Variants in GAPVD1 observed in about 807,000 individuals in gnomAD.
The protein encoded by GAPVD1 is GTPase-activating protein and VPS9 domain-containing protein 1.
GAPVD1 carries 35 observed loss-of-function variants against 155.5 expected under a neutral mutation model. The ratio of observed to expected loss-of-function variants is 0.23; its 90% CI spans 0.17 to 0.30. The LOEUF is 0.30. Ranked by LOEUF, GAPVD1 falls within the 10% of genes least tolerant of loss-of-function variation. The pLI is 1.00. For synonymous variants in GAPVD1, 636 were observed against 619.7 expected (o/e 1.03, Z -0.39); for missense variants, 1,429 against 1,775.7 (o/e 0.80, Z 3.51).
At chr9:125,344,203 A>G (rs1488511705) in intron 19 of GAPVD1, among the ~76,000 whole-genome samples, 1 of 152,188 alleles carries the variant, frequency 6.6e-6, no homozygotes, top group African/African-American at 2.4e-5. Context: ...CAGTCTGTTC[A>G]TAATTCTGTG....
Position 125,312,596 on chromosome 9 carries a change from T to C in GAPVD1, c.1586T>C (p.Met529Thr). Residue 529 changes from methionine to threonine, a missense_variant, in exon 9 of 28, where the codon ATG becomes ACG. Met to Thr is a moderately conservative substitution (Grantham distance 81). Around this residue, in one of 4 missense-constraint regions of GAPVD1, gnomAD observed 628 missense variants for 733.4 expected, o/e 0.86. Transcript: ENST00000297933. Reference sequence around the variant, plus strand: ...ACAGGTCCCCAGCTTACTCCAGGGATGATGTCAGAAAATGAGGTATGAATC... The same window carrying C: ...ACAGGTCCCCAGCTTACTCCAGGGACGATGTCAGAAAATGAGGTATGAATC... Reference protein sequence around the residue: ...LGTGPQLTPGMMSENEVLNMQ... With the variant: ...LGTGPQLTPGTMSENEVLNMQ... The C allele has an allele frequency of 6.3e-7, 1 of 1,585,940 alleles. No individual in the cohort carries two copies. Among genetic ancestry groups the C allele is most frequent in the Non-Finnish European group, 8.5e-7 (1 of 1,172,060 alleles).
At position 125,313,307 on chromosome 9, in the gene GAPVD1, C is replaced by CT. The variant is rs551168378; in HGVS notation, c.1602+709dup. Among the ~76,000 whole-genome samples the CT allele has an allele frequency of 8.3e-3, 1,142 of 137,780 alleles. 2 individuals are homozygous for CT. The highest frequency in any genetic ancestry group is 0.013 in the Non-Finnish European group (796 of 62,822). 90.4% of individuals were successfully genotyped at this position (137,780 alleles called of 152,430 possible). On this transcript the variant is annotated intron_variant, in intron 9 of 27. Transcript: ENST00000297933. The stretch of plus-strand genomic sequence containing the variant: ...AATTTTTTTTTTTCTTTTTCTTTTT[C>CT]TTTTTTTTTTTTTTGAGACAGAGTC...
chr9:125,278,347 C>T lies in GAPVD1; in HGVS notation c.-150+9363C>T, dbSNP rs1836155197. Among the ~76,000 whole-genome samples, 3 of 151,646 alleles carry T rather than the reference C, an allele frequency of 2.0e-5. No individual in the cohort carries two copies. In the South Asian group the frequency reaches 6.2e-4, roughly 32 times the overall value. Reference sequence around the variant, plus strand: ...ACCAGTCTGGCCAACATGGTGAAACCCTGTCTCTACTAAAAATACAAAAAT... The same window carrying T: ...ACCAGTCTGGCCAACATGGTGAAACTCTGTCTCTACTAAAAATACAAAAAT... On this transcript the variant is annotated intron_variant, in intron 2 of 27. Coordinates refer to ENST00000297933, the MANE Select transcript of GAPVD1 (RefSeq NM_001282680.3).
intron 8 of GAPVD1, among the ~76,000 whole-genome samples, chr9:125,311,258 A>G (rs912967472): frequency 6.6e-6 from 1 of 151,954 alleles, no homozygotes; most frequent in African/African-American, 2.4e-5. Flanking sequence ...TTCTCCAAAC[A>G]TAAATAAATT....
chr9:125,347,302 G>C (rs545862830), intron 20 of GAPVD1, among the ~76,000 whole-genome samples: 1 of 152,156 alleles, frequency 6.6e-6, no homozygotes, highest in East Asian at 1.9e-4. Context: ...TGTCCCAAAA[G>C]GGACAAGTTA....
intron 12 of GAPVD1, among the ~76,000 whole-genome samples, chr9:125,327,909 C>G (rs1296814871): frequency 6.6e-6 from 1 of 152,166 alleles, no homozygotes; most frequent in African/African-American, 2.4e-5. Context: ...AGCTTTCTTT[C>G]ATCTGTTCTC....
intron 25 of GAPVD1, among the ~76,000 whole-genome samples, chr9:125,356,393 C>T (rs1014741751): frequency 2.6e-5 from 4 of 152,216 alleles, no homozygotes; most frequent in Non-Finnish European, 5.9e-5. Flanking sequence ...GACCTCTACA[C>T]ACAAGATGCC....
chr9:125,342,767 A>G (rs1847995871), intron 19 of GAPVD1, among the ~76,000 whole-genome samples: 1 of 152,196 alleles, frequency 6.6e-6, no homozygotes, highest in Non-Finnish European at 1.5e-5. Flanking sequence ...TGTTTTACCT[A>G]ATCGTTTCCT....
intron 3 of GAPVD1, among the ~76,000 whole-genome samples, chr9:125,298,636 G>T (rs900993943): frequency 6.6e-6 from 1 of 151,542 alleles, no homozygotes; most frequent in Non-Finnish European, 1.5e-5. Flanking sequence ...CTACAGGCGC[G>T]CCCCACCGCA....
rs754173073 is a variant in GAPVD1, at chr9:125,346,948, A to T, written c.3169+7A>T. The T allele has an allele frequency of 3.7e-6, 6 of 1,612,302 alleles. No individual in the cohort carries two copies. The African/African-American group carries it at 8.0e-5, about 22-fold the overall frequency. ...GCAAACTATGAAAGTACAGGTGATAATCATGACAGAGATTTGAGTAGTAAA... is the reference window on the plus strand; with the variant it reads ...GCAAACTATGAAAGTACAGGTGATATTCATGACAGAGATTTGAGTAGTAAA... On this transcript the variant is annotated splice_region_variant and intron_variant, in intron 20 of 27. Coordinates refer to ENST00000297933, the MANE Select transcript of GAPVD1 (RefSeq NM_001282680.3).
intron 8 of GAPVD1, chr9:125,308,189 T>G (rs1842140805): frequency 2.3e-6 from 1 of 433,154 alleles, no homozygotes; most frequent in Non-Finnish European, 4.1e-6. Context: ...TTTAAAACTA[T>G]GTAGCCCTCA....
At chr9:125,277,921 GC>G (rs780869322) in intron 2 of GAPVD1, among the ~76,000 whole-genome samples, 1 of 152,032 alleles carries the variant, frequency 6.6e-6, no homozygotes, top group Non-Finnish European at 1.5e-5. Flanking sequence ...TCCTGCCTCA[GC>G]CTCCCGAAGT....
Position 125,332,501 on chromosome 9 carries a change from T to C in GAPVD1, c.2309-9T>C. The C allele has an allele frequency of 6.4e-7, 1 of 1,566,770 alleles. No individual in the cohort carries two copies. The highest frequency in any genetic ancestry group is 8.7e-7 in the Non-Finnish European group (1 of 1,155,392). On this transcript the variant is annotated splice_polypyrimidine_tract_variant and intron_variant, in intron 14 of 27. Transcript: ENST00000297933. ...CTTCCTGTTTATTTTTTACTATTGT[T>C]TTTTAAAGGCATAAGTGCAACCTCT...
At chr9:125,359,525 A>T (rs1419825934) in intron 26 of GAPVD1, 33 bp downstream of exon 26, 1 of 1,012,690 alleles carries the variant, frequency 9.9e-7, no homozygotes, top group Non-Finnish European at 1.6e-6. Flanking sequence ...GGGTAATGTT[A>T]ACTAAATGCT....
chr9:125,361,353 G>A (rs1462008284), intron 27 of GAPVD1, among the ~76,000 whole-genome samples: 1 of 152,010 alleles, frequency 6.6e-6, no homozygotes, highest in Non-Finnish European at 1.5e-5. Context: ...GCTTGGCCAA[G>A]ATGGTGAAAC....
intron 1 of GAPVD1, among the ~76,000 whole-genome samples, chr9:125,264,577 G>C (rs1833524703): frequency 6.6e-6 from 1 of 152,150 alleles, no homozygotes; most frequent in Admixed American, 6.5e-5. Context: ...GAAGAAGAAA[G>C]AAAAGTGAAT....
At chr9:125,325,519 CA>C (rs34510251) in intron 11 of GAPVD1, among the ~76,000 whole-genome samples, 9,450 of 93,030 alleles carry the variant, frequency 0.1, 673 homozygotes, top group African/African-American at 0.26. Context: ...GACTCCATCT[CA>C]AAAAAAAAAA....
rs369396204 is a variant in GAPVD1 at position 125,360,647 on chromosome 9, C to T, written c.4164C>T (p.Asn1388=). 6.2e-7 allele frequency: 1 copy of T among 1,613,988 alleles called. No homozygotes were observed. The highest frequency in any genetic ancestry group is 8.5e-7 in the Non-Finnish European group (1 of 1,179,890). Residue 1388 remains asparagine, a synonymous_variant, in exon 27 of 28, where the codon AAC becomes AAT. Coordinates refer to ENST00000297933, the MANE Select transcript of GAPVD1 (RefSeq NM_001282680.3). The part of the protein sequence containing the change: ...CILRMCSTIM[N]LLSLANEDSV... Reference sequence around the variant, plus strand: ...TGAGAATGTGCTCTACGATTATGAACCTCCTGAGCCTGGCCAATGAGGACT... The same window carrying T: ...TGAGAATGTGCTCTACGATTATGAATCTCCTGAGCCTGGCCAATGAGGACT...
chr9:125,314,485 A>G (rs1456172328), intron 9 of GAPVD1, among the ~76,000 whole-genome samples: 2 of 151,938 alleles, frequency 1.3e-5, no homozygotes, highest in Admixed American at 1.3e-4. Flanking sequence ...GTAAAACCCC[A>G]TCTTTACTAA....
Sources: allele counts gnomAD v4.1 joint callset (sites outside exome capture counted in the v4.1 genomes callset), GRCh38; gene constraint gnomAD v4.1.1; regional missense constraint gnomAD v4.1.1; transcripts MANE v1.5; gene names NCBI Gene and HGNC (gene_info 2026-07-23, HGNC 2026-07-21).